NCOR2: variants seen among roughly 807,000 people sequenced by gnomAD.
The protein encoded by NCOR2 is CTG repeat protein 26.
A neutral mutation model predicts 262.9 loss-of-function variants in NCOR2; 81 were observed. The observed-to-expected ratio is 0.31, with a 90% CI of 0.26 to 0.37. The LOEUF (loss-of-function observed/expected upper bound fraction) is 0.37. NCOR2 is among the 10% of genes least tolerant of loss of function. The pLI is 1.00. For synonymous variants in NCOR2, 1,659 were observed against 1,559.3 expected (o/e 1.06, Z -1.51); for missense variants, 3,385 against 3,621.4 (o/e 0.93, Z 1.68).
chr12:124,449,841 G>C, exon 7 of NCOR2: 2 of 1,614,084 alleles, frequency 1.2e-6, no homozygotes, highest in South Asian at 2.2e-5. Flanking sequence ...GATACTGCCG[G>C]GTGTCGGAGG....
chr12:124,424,276 G>A (rs534297365), intron 11 of NCOR2, among the ~76,000 whole-genome samples: 11 of 152,074 alleles, frequency 7.2e-5, no homozygotes, highest in African/African-American at 2.4e-4. Flanking sequence ...AATCTCAAAC[G>A]CAACAGTAAT....
chr12:124,479,424 C>T (rs2047297530), intron 3 of NCOR2, among the ~76,000 whole-genome samples: 2 of 150,816 alleles, frequency 1.3e-5, no homozygotes, highest in African/African-American at 4.9e-5. Flanking sequence ...GGTACATGCA[C>T]GCACACAGGC....
intron 36 of NCOR2, 30 bp downstream of exon 38, chr12:124,340,264 G>A (rs1204858428): frequency 6.2e-7 from 1 of 1,607,440 alleles, no homozygotes; most frequent in East Asian, 2.2e-5. Context: ...AGGAGTCCCG[G>A]AGCGGGGGGT....
chr12:124,528,343 T>C (rs2050594018), intron 1 of NCOR2, among the ~76,000 whole-genome samples: 2 of 152,236 alleles, frequency 1.3e-5, no homozygotes, highest in Non-Finnish European at 1.5e-5. Context: ...CTTATTTATT[T>C]ACGGGATTGC....
rs781267559 is a variant in NCOR2, at chr12:124,340,166, C to T, written c.5527G>A (p.Gly1843Ser). The change falls in exon 37 of 47, where the codon GGC becomes AGC. Residue 1843 changes from glycine (G) to serine (S), a missense_variant. Physicochemically the swap from Gly to Ser is moderately conservative, Grantham distance 56 (BLOSUM62 0). Coordinates refer to ENST00000405201, the Ensembl canonical transcript of NCOR2. ...TGGGAGGCGGGGCGGCTGCTGCTGC[C>T]CCCACCCCCGCCGCTGCTGCCGCTG... The T allele has an allele frequency of 6.5e-6, 10 of 1,545,906 alleles. No homozygotes were observed. The East Asian group carries it at 7.1e-5, about 11-fold the overall frequency.
intron 16 of NCOR2, among the ~76,000 whole-genome samples, chr12:124,386,702 T>C (rs914391402): frequency 2.6e-5 from 4 of 152,312 alleles, no homozygotes; most frequent in South Asian, 2.1e-4. Context: ...CCCCAGGTTC[T>C]AGTTTCAAGG....
chr12:124,333,901 C>CATGTGTGTGT (rs1555299264), intron 41 of NCOR2, among the ~76,000 whole-genome samples: 1 of 140,384 alleles, frequency 7.1e-6, no homozygotes, highest in African/African-American at 2.7e-5. Flanking sequence ...TGTGTGCGCG[C>CATGTGTGTGT]GCATGTGTGC....
chr12:124,369,847 A>G (rs1356962028), intron 20 of NCOR2, among the ~76,000 whole-genome samples: 2 of 151,938 alleles, frequency 1.3e-5, no homozygotes, highest in African/African-American at 2.4e-5. Context: ...TGCAGGGGAG[A>G]GGACGGGAGG....
chr12:124,391,776 A>G (rs552626322), intron 16 of NCOR2, among the ~76,000 whole-genome samples: 4 of 152,340 alleles, frequency 2.6e-5, no homozygotes, highest in Middle Eastern at 3.4e-3. Context: ...GTCTTCTCCC[A>G]GCTCTCAAAA....
Position 124,407,326 on chromosome 12 carries a change from G to A in NCOR2, c.1483-4765C>T, listed in dbSNP as rs558270875. 6.6e-5 allele frequency among the ~76,000 whole-genome samples: 10 copies of A among 152,378 alleles called. No homozygotes were observed. In the South Asian group the frequency reaches 1.2e-3, roughly 19 times the overall value. ...CATGATGCAGATGAGGCAGCAAGGC[G>A]TGCTGACATGCAGGGCGAGGGAAGG... On this transcript the variant is annotated intron_variant, in intron 13 of 46. Transcript: ENST00000405201.
At chr12:124,363,544 G>A (rs2038782955) in intron 21 of NCOR2, 135 bp downstream of exon 23, 5 of 912,602 alleles carry the variant, frequency 5.5e-6, no homozygotes, top group Non-Finnish European at 6.0e-6. Flanking sequence ...CAGCTCCACG[G>A]GGATTTCTCC....
In NCOR2 at chr12:124,443,663, C is replaced by T. The variant is rs544673731; in HGVS notation, c.816-5667G>A. Among the ~76,000 whole-genome samples, 1 of 152,198 alleles carries T rather than the reference C, an allele frequency of 6.6e-6. No homozygotes were observed. ...GGCTATAGGCACGTGCCACTACGCC[C>T]AGCTAATTTTCGTATTTTTAGTAGA... On this transcript the variant is annotated intron_variant, in intron 7 of 46. Transcript: ENST00000405201. The surrounding 1 kb of genome is among the most constrained non-coding windows in gnomAD (Gnocchi z 4.4).
chr12:124,456,132 T>A (rs2045838691), intron 6 of NCOR2, among the ~76,000 whole-genome samples: 1 of 152,206 alleles, frequency 6.6e-6, no homozygotes, highest in South Asian at 2.1e-4. Flanking sequence ...TGCCTTGGCC[T>A]CCCATAGCAC....
chr12:124,388,875 A>T, intron 16 of NCOR2: 6 of 115,074 alleles, frequency 5.2e-5, no homozygotes, highest in Non-Finnish European at 1.0e-4. Flanking sequence ...TGAGGGAGGG[A>T]GGGAGGGAGG....
chr12:124,422,631 C>A (rs2043279863), intron 11 of NCOR2, 76 bp from the exon 14 acceptor site: 2 of 1,564,988 alleles, frequency 1.3e-6, no homozygotes, highest in East Asian at 2.3e-5. Context: ...GGCTCCCAGG[C>A]GCCTGCCATC....
chr12:124,501,352 G>C (rs2048722965), intron 1 of NCOR2, among the ~76,000 whole-genome samples: 1 of 151,788 alleles, frequency 6.6e-6, no homozygotes, highest in South Asian at 2.1e-4. Context: ...ACGGCACCTG[G>C]CACACACGAG....
At chr12:124,551,507 T>TC (rs1354323697) in intron 1 of NCOR2, among the ~76,000 whole-genome samples, 1 of 152,180 alleles carries the variant, frequency 6.6e-6, no homozygotes, top group Non-Finnish European at 1.5e-5. Context: ...GTCATTTTTT[T>TC]CTCTTTTAAC....
rs1240665912 is a variant in NCOR2 at position 124,343,229 on chromosome 12, G to A, written c.4715-3C>T. On this transcript the variant is annotated splice_region_variant and splice_polypyrimidine_tract_variant and intron_variant, in intron 32 of 46. Transcript: ENST00000405201. ...TGCCTTGCTGGACGAAAGGCTGCCT[G>A]TGGACGGGCAAGGTGGATGCATCGG... 2 of 1,607,884 alleles carry A rather than the reference G, an allele frequency of 1.2e-6. No homozygotes were observed. The highest frequency in any genetic ancestry group is 8.5e-7 in the Non-Finnish European group (1 of 1,176,426).
At chr12:124,448,508 G>GC (rs1351229464) in intron 7 of NCOR2, among the ~76,000 whole-genome samples, 1 of 152,226 alleles carries the variant, frequency 6.6e-6, no homozygotes, top group Non-Finnish European at 1.5e-5. Flanking sequence ...ACACTCTGCA[G>GC]CCCCTGCTGG....
Sources: allele counts gnomAD v4.1 joint callset (sites outside exome capture counted in the v4.1 genomes callset), GRCh38; gene constraint gnomAD v4.1.1; non-coding constraint Gnocchi (gnomAD v3.1); transcripts MANE v1.5; gene names NCBI Gene and HGNC (gene_info 2026-07-23, HGNC 2026-07-21).